CSPP1: variants seen among roughly 807,000 people sequenced by gnomAD.
CSPP1 encodes the protein centrosome and spindle pole associated protein 1.
CSPP1 carries 126 observed loss-of-function variants against 164.4 expected under a neutral mutation model. The ratio of observed to expected loss-of-function variants is 0.77; its 90% CI spans 0.66 to 0.89. The LOEUF (loss-of-function observed/expected upper bound fraction) is 0.89, where lower values mean the gene tolerates loss of function less well. CSPP1 is among the 40% of genes least tolerant of loss of function. The probability of loss-of-function intolerance (pLI) is 0.00; values close to 1 mark genes in which losing one functional copy is unlikely to be tolerated. For missense variants in CSPP1, 1,395 were observed against 1,449.8 expected (o/e 0.96, Z 0.61); for synonymous variants, 472 against 476.7 (o/e 0.99, Z 0.13).
chr8:67,110,285 A>G (rs1816586295), intron 9 of CSPP1, among the ~76,000 whole-genome samples: 1 of 151,808 alleles, frequency 6.6e-6, no homozygotes, highest in African/African-American at 2.4e-5. Flanking sequence ...CTCCCTCACT[A>G]AAGACCAACT....
intron 15 of CSPP1, among the ~76,000 whole-genome samples, chr8:67,126,042 G>GGCT (rs1245391296): frequency 1.2e-4 from 18 of 152,166 alleles, no homozygotes; most frequent in Admixed American, 1.2e-3. Context: ...ATGTTGCTCA[G>GGCT]GCTGGTCTCC....
Position 67,195,432 on chromosome 8 carries a change from G to C in CSPP1, c.3520G>C (p.Asp1174His), listed in dbSNP as rs752140903. The change falls in exon 31 of 31, where the codon GAT (aspartate) becomes CAT (histidine). Residue 1174 changes from aspartate (D) to histidine (H), a missense_variant. Physicochemically the swap from Asp to His is moderately conservative, Grantham distance 81. Transcript: ENST00000678616. ...DPDDIMKHIG[D>H]DGSNSVATEP... ...TGATGACATCATGAAACACATAGGGGATGACGGATCAAACTCTGTAGCAAC... is the reference window on the plus strand; with the variant it reads ...TGATGACATCATGAAACACATAGGGCATGACGGATCAAACTCTGTAGCAAC... The C allele has an allele frequency of 3.1e-6, 5 of 1,614,188 alleles. No individual in the cohort carries two copies. In the Admixed American group the frequency reaches 8.3e-5, roughly 27 times the overall value.
intron 24 of CSPP1, among the ~76,000 whole-genome samples, chr8:67,167,014 CAT>C (rs759677136): frequency 2.0e-5 from 3 of 152,278 alleles, no homozygotes; most frequent in African/African-American, 7.2e-5. Context: ...GGACACAGCA[CAT>C]GTTTCAGAGA....
intron 28 of CSPP1, among the ~76,000 whole-genome samples, chr8:67,180,645 C>T (rs552575589): frequency 3.3e-5 from 5 of 152,064 alleles, no homozygotes; most frequent in Non-Finnish European, 5.9e-5. Flanking sequence ...GTATCAGTAT[C>T]GATATCCTGG....
chr8:67,136,963 C>T (rs1319722703), intron 16 of CSPP1, among the ~76,000 whole-genome samples: 1 of 151,852 alleles, frequency 6.6e-6, no homozygotes, highest in African/African-American at 2.4e-5. Flanking sequence ...GTATTCTAGC[C>T]ATTGAATTAT....
At chr8:67,150,294 A>G (rs1825463132) in intron 18 of CSPP1, among the ~76,000 whole-genome samples, 1 of 152,206 alleles carries the variant, frequency 6.6e-6, no homozygotes, top group African/African-American at 2.4e-5. Flanking sequence ...GAATTAGTGA[A>G]ACAGTATCAT....
At chr8:67,115,363 C>A (rs1284854096) in intron 12 of CSPP1, 1 of 152,352 alleles carries the variant, frequency 6.6e-6, no homozygotes, top group African/African-American at 2.4e-5. Flanking sequence ...CCTCAATTAC[C>A]CATTTATAAA....
intron 21 of CSPP1, among the ~76,000 whole-genome samples, chr8:67,160,504 C>A (rs1404066857): frequency 6.6e-6 from 1 of 150,404 alleles, no homozygotes; most frequent in Admixed American, 6.6e-5. Context: ...TTGTTAGTTT[C>A]CCATAATTAT....
intron 30 of CSPP1, 105 bp from the exon 31 acceptor site, chr8:67,195,277 T>C: frequency 1.3e-6 from 1 of 775,962 alleles, no homozygotes; most frequent in Non-Finnish European, 2.3e-6. Context: ...TATGAGACTG[T>C]GGGGAAATGC....
Position 67,158,457 on chromosome 8 carries a change from A to G in CSPP1, c.2252A>G (p.Lys751Arg). The G allele has an allele frequency of 1.3e-6, 2 of 1,594,902 alleles. No homozygotes were observed. Among genetic ancestry groups the G allele is most frequent in the Non-Finnish European group, 8.5e-7 (1 of 1,172,708 alleles). ...AGTTTAATTCTTTAGATTGAGGAAA[A>G]GAAACAAAGAGAGGAAGCAGAGCGA... is the stretch of plus-strand genomic sequence containing the variant. ...KNFLRFQIEE[K>R]KQREEAERER... is the part of the protein sequence containing the mutation. The change falls in exon 20 of 31, where the codon AAG becomes AGG. Residue 751 changes from lysine to arginine, a missense_variant. Physicochemically the swap from Lys to Arg is conservative, Grantham distance 26. Transcript: ENST00000678616.
intron 24 of CSPP1, among the ~76,000 whole-genome samples, chr8:67,170,222 A>G (rs1019761394): frequency 6.6e-6 from 1 of 151,382 alleles, no homozygotes; most frequent in African/African-American, 2.4e-5. Context: ...AGGCGGATGG[A>G]TCACCTGAGG....
chr8:67,138,159 T>C (rs1312417030), intron 17 of CSPP1, among the ~76,000 whole-genome samples: 1 of 152,218 alleles, frequency 6.6e-6, no homozygotes, highest in Non-Finnish European at 1.5e-5. Context: ...GATCTAGTAA[T>C]CACACAACAA....
intron 21 of CSPP1, among the ~76,000 whole-genome samples, chr8:67,159,506 A>ATTATTT (rs1554604753): frequency 1.5e-5 from 1 of 68,904 alleles, no homozygotes; most frequent in African/African-American, 5.0e-5. Context: ...ATATATATGT[A>ATTATTT]TTCTTTTTTT....
At chr8:67,172,704 C>G (rs1233896495) in intron 25 of CSPP1, 149 bp downstream of exon 25, 2 of 669,792 alleles carry the variant, frequency 3.0e-6, no homozygotes, top group Non-Finnish European at 4.7e-6. Context: ...TATGTATTCT[C>G]TAGGTCTTCA....
intron 6 of CSPP1, among the ~76,000 whole-genome samples, chr8:67,094,641 C>G (rs189904460): frequency 3.3e-5 from 5 of 152,124 alleles, no homozygotes; most frequent in Middle Eastern, 3.4e-3. Flanking sequence ...GTTGCCTAGG[C>G]TGGTCTTGAA....
chr8:67,146,235 G>A (rs530194879), intron 17 of CSPP1, among the ~76,000 whole-genome samples: 7 of 148,652 alleles, frequency 4.7e-5, no homozygotes, highest in Non-Finnish European at 1.5e-5. Context: ...TGATCTTCCC[G>A]CCTCAGCTCC....
chr8:67,183,558 C>T (rs1032269441), intron 28 of CSPP1, among the ~76,000 whole-genome samples: 7 of 152,052 alleles, frequency 4.6e-5, no homozygotes, highest in African/African-American at 9.7e-5. Flanking sequence ...ACGCATAGGT[C>T]AGAGAAAAAA....
chr8:67,190,546 T>C, intron 28 of CSPP1, 104 bp from the exon 29 acceptor site: 1 of 795,508 alleles, frequency 1.3e-6, no homozygotes, highest in Non-Finnish European at 2.2e-6. Flanking sequence ...GTGTGTTTCA[T>C]GGTATTGTAA....
In CSPP1 at chr8:67,195,692, ACT is replaced by A. The variant is rs1837800080; in HGVS notation, c.*100_*101del. The A allele has an allele frequency of 3.3e-6, 3 of 913,654 alleles. No individual in the cohort carries two copies. The highest frequency in any genetic ancestry group is 2.6e-5 in the Admixed American group (1 of 38,774). 56.6% of individuals were successfully genotyped at this position (913,654 alleles called of 1,614,324 possible). On this transcript the variant is annotated 3_prime_UTR_variant, in exon 31 of 31. Transcript: ENST00000678616. ...TACTTTTGGCCCCTACCTGAAAGTTACTTTTTTTCCATCATCTGTATATAAAA... is the reference window on the plus strand; with the variant it reads ...TACTTTTGGCCCCTACCTGAAAGTTATTTTTTCCATCATCTGTATATAAAA...
Sources: gnomAD v4.1 joint callset for allele counts (sites outside exome capture counted in the v4.1 genomes callset) on GRCh38, gnomAD v4.1.1 for gene constraint, MANE v1.5 for transcripts, NCBI Gene and HGNC (gene_info 2026-07-23, HGNC 2026-07-21) for gene names.